Variants in FBN3 observed in about 807,000 individuals in gnomAD.
FBN3 encodes the protein fibrillin 3.
Under a neutral mutation model 330.1 loss-of-function variants are expected in FBN3, and 234 were observed. That is an observed-to-expected ratio of 0.71 (90% CI 0.64 to 0.79). FBN3 has a LOEUF of 0.79. Among genes scored for constraint, FBN3 ranks in the 30% least tolerant of loss-of-function variants. The probability of loss-of-function intolerance (pLI) is 0.00; values close to 1 mark genes in which losing one functional copy is unlikely to be tolerated. For missense variants in FBN3, 3,606 were observed against 3,886.9 expected (o/e 0.93, Z 1.92); for synonymous variants, 1,458 against 1,517.3 (o/e 0.96, Z 0.91).
At chr19:8,137,584 T>C (rs981118978) in intron 10 of FBN3, among the ~76,000 whole-genome samples, 2 of 151,496 alleles carry the variant, frequency 1.3e-5, no homozygotes. Flanking sequence ...AGGCCCAAAC[T>C]CCCCACCCAA....
rs767010079 is a variant in FBN3 at position 8,097,002 on chromosome 19, G to A, written c.5292C>T (p.Val1764=). ...GACTCTCCCTGCTGCCACACTCATC[G>A]ACATCTGGGAAAATACAGCAAATGA... The part of the protein sequence containing the change: ...YNSILLACED[V]DECGSRESPC... The change falls in exon 43 of 64, where the codon GTC becomes GTT. Residue 1764 remains valine, a synonymous_variant. Coordinates refer to ENST00000600128, the MANE Select transcript of FBN3 (RefSeq NM_032447.5). The A allele has an allele frequency of 9.9e-6, 16 of 1,612,538 alleles. No homozygotes were observed. The highest frequency in any genetic ancestry group is 8.9e-5 in the East Asian group (4 of 44,868).
chr19:8,138,239 G>T lies in FBN3; in HGVS notation c.1103C>A (p.Ser368Tyr). ...CCCAAGAGGGGGACCCATGCCATTG[G>T]ATCCGAAGCCCAGGAGGCCAGGGAA... ...GLFPGLLGFGSNGMGPPLGPA... is the reference protein window; with the variant it reads ...GLFPGLLGFGYNGMGPPLGPA... The change falls in exon 10 of 64, where the codon TCC (serine) becomes TAC (tyrosine). Residue 368 changes from serine (S) to tyrosine (Y), a missense_variant. Transcript: ENST00000600128. 6.2e-7 allele frequency: 1 copy of T among 1,612,024 alleles called. No individual in the cohort carries two copies. The highest frequency in any genetic ancestry group is 8.5e-7 in the Non-Finnish European group (1 of 1,179,446).
In FBN3 at chr19:8,126,825, G is replaced by A. The variant is rs768678289; in HGVS notation, c.2304C>T (p.Asp768=). 168 of 1,558,868 alleles carry A rather than the reference G, an allele frequency of 1.1e-4. 3 individuals are homozygous for A. In the South Asian group the frequency reaches 1.7e-3, roughly 16 times the overall value. The change falls in exon 19 of 64, where the codon GAC becomes GAT. Residue 768 remains aspartate (D), a synonymous_variant. Coordinates refer to ENST00000600128, the MANE Select transcript of FBN3 (RefSeq NM_032447.5). ...TCACACACGGGCTGGACAGGCATTC[G>A]TCGACATCTGTGGGGACAGCCCCCC... ...WQDTEICKDV[D]ECLSSPCVSG...
intron 21 of FBN3, 68 bp downstream of exon 21, chr19:8,126,229 A>T: frequency 1.3e-6 from 2 of 1,509,564 alleles, no homozygotes; most frequent in Non-Finnish European, 1.8e-6. Flanking sequence ...GGCACCCATG[A>T]GGGTGGTGCG....
chr19:8,110,012 G>A (rs577011214), intron 34 of FBN3, among the ~76,000 whole-genome samples: 2 of 152,228 alleles, frequency 1.3e-5, no homozygotes, highest in East Asian at 3.9e-4. Flanking sequence ...CCTGCCCTGG[G>A]TTCCATGCAG....
At chr19:8,110,730 AG>A in intron 34 of FBN3, 114 bp downstream of exon 34, 1 of 1,375,538 alleles carries the variant, frequency 7.3e-7, no homozygotes, top group South Asian at 1.3e-5. Context: ...CCCCCCAGCA[AG>A]ACTGCAGGGG....
At position 8,129,089 on chromosome 19, in the gene FBN3, G is replaced by A. The variant is rs750449644; in HGVS notation, c.2235C>T (p.Gly745=). ...CGGGGGGGCAGGAGCAGCTGTAGCT[G>A]CCAGGGCTATTCTGGCACCACCCGT... ...CDNGWCQNSP[G]SYSCSCPPGF... The change falls in exon 18 of 64, where the codon GGC becomes GGT. Residue 745 remains glycine (G), a synonymous_variant. Transcript: ENST00000600128. This position sits in a 1 kb window ranked among gnomAD's most constrained non-coding sequence, Gnocchi z 4.5. 7 of 1,613,264 alleles carry A rather than the reference G, an allele frequency of 4.3e-6. No homozygotes were observed. The Admixed American group carries it at 6.7e-5, about 15-fold the overall frequency.
rs1271622048 is a variant in FBN3, at chr19:8,131,439, C to G, written c.1990+115G>C. 2.0e-6 allele frequency: 3 copies of G among 1,479,862 alleles called. No individual in the cohort carries two copies. The Admixed American group carries it at 5.7e-5, about 28-fold the overall frequency. 91.7% of individuals were successfully genotyped at this position (1,479,862 alleles called of 1,614,324 possible). ...CGGGGAGGGAGCAACTCCCTTCAGC[C>G]TCTTTTTGGGAAGAGCCCCCACTCC... On this transcript the variant is annotated intron_variant, in intron 15 of 63. Transcript: ENST00000600128. This position sits in a 1 kb window ranked among gnomAD's most constrained non-coding sequence, Gnocchi z 4.5.
rs374081357 is a variant in FBN3, at chr19:8,085,316, C to G, written c.7087+47G>C. The G allele has an allele frequency of 2.7e-6, 4 of 1,505,760 alleles. No individual in the cohort carries two copies. In the South Asian group the frequency reaches 4.9e-5, roughly 18 times the overall value. 93.3% of individuals were successfully genotyped at this position (1,505,760 alleles called of 1,614,324 possible). ...ACAGACACATGACCCTGAGCAAACT[C>G]CCCCGTTTCTTGCCTCCCTGGGGGT... is the stretch of plus-strand genomic sequence containing the variant. On this transcript the variant is annotated intron_variant, in intron 56 of 63. Transcript: ENST00000600128.
intron 61 of FBN3, among the ~76,000 whole-genome samples, chr19:8,074,103 A>T (rs561462898): frequency 2.0e-5 from 3 of 152,302 alleles, no homozygotes; most frequent in African/African-American, 7.2e-5. Flanking sequence ...CTCAAGGCAG[A>T]AATGGTTTTT....
chr19:8,066,136 C>T lies in FBN3; in HGVS notation c.8213G>A (p.Arg2738His), dbSNP rs760693740. The change falls in exon 64 of 64, where the codon CGC (arginine) becomes CAC (histidine). Residue 2738 changes from arginine to histidine, a missense_variant. Coordinates refer to ENST00000600128, the MANE Select transcript of FBN3 (RefSeq NM_032447.5). ...PALEGLEGRIRYVIVRGNEQG... is the reference protein window; with the variant it reads ...PALEGLEGRIHYVIVRGNEQG... ...CTCGTTTCCGCGGACGATGACGTAGCGGATCCGGCCCTCTAGACCCTCCAG... is the reference window on the plus strand; with the variant it reads ...CTCGTTTCCGCGGACGATGACGTAGTGGATCCGGCCCTCTAGACCCTCCAG... 1.9e-5 allele frequency: 30 copies of T among 1,613,372 alleles called. No homozygotes were observed. The highest frequency in any genetic ancestry group is 1.8e-4 in the South Asian group (16 of 91,084).
Position 8,090,254 on chromosome 19 carries a change from G to A in FBN3, c.6032-3C>T, listed in dbSNP as rs144765408. 3.1e-6 allele frequency: 5 copies of A among 1,613,682 alleles called. No homozygotes were observed. The highest frequency in any genetic ancestry group is 4.2e-6 in the Non-Finnish European group (5 of 1,179,964). ...GAAGCAGAAACTCTGCCGTGTGTCT[G>A]TGGGGTGGGGGCTCCATTACCCTGA... On this transcript the variant is annotated splice_polypyrimidine_tract_variant and splice_region_variant and intron_variant, in intron 48 of 63. Transcript: ENST00000600128.
At chr19:8,071,955 G>C (rs73005512) in intron 63 of FBN3, 93 bp downstream of exon 63, 330,012 of 1,289,868 alleles carry the variant, frequency 0.26, 46,008 homozygotes, top group Middle Eastern at 0.33. Context: ...GCTCCTTCTT[G>C]GGGGGGCTGA....
At chr19:8,100,857 A>G (rs1284049379) in intron 41 of FBN3, 44 bp downstream of exon 41, 1 of 1,535,364 alleles carries the variant, frequency 6.5e-7, no homozygotes. Flanking sequence ...AAGCAGACCC[A>G]GGTGGATGGG....
At chr19:8,080,433 G>A (rs1599279214) in intron 59 of FBN3, among the ~76,000 whole-genome samples, 2 of 152,206 alleles carry the variant, frequency 1.3e-5, no homozygotes, top group Non-Finnish European at 2.9e-5. Context: ...GGGAGGCTCT[G>A]GGAGGGAGAT....
At chr19:8,082,887 A>G (rs1314436417) in intron 57 of FBN3, among the ~76,000 whole-genome samples, 1 of 87,630 alleles carries the variant, frequency 1.1e-5, no homozygotes, top group Non-Finnish European at 2.2e-5. Flanking sequence ...CAGTGGCACA[A>G]TCAGCTCACT....
chr19:8,101,997 C>T (rs1444289847), intron 40 of FBN3, among the ~76,000 whole-genome samples: 1 of 152,162 alleles, frequency 6.6e-6, no homozygotes, highest in Non-Finnish European at 1.5e-5. Flanking sequence ...TGGGAGGTAA[C>T]TGAGTCATGG....
intron 30 of FBN3, among the ~76,000 whole-genome samples, chr19:8,115,108 G>A (rs2082676922): frequency 6.6e-6 from 1 of 152,084 alleles, no homozygotes; most frequent in African/African-American, 2.4e-5. Flanking sequence ...GCCCGCCTCG[G>A]CCTCCCAAAG....
intron 45 of FBN3, 116 bp from the exon 46 acceptor site, chr19:8,095,619 C>T: frequency 9.0e-7 from 1 of 1,112,000 alleles, no homozygotes. Context: ...AACTTGAGCA[C>T]TCATGTATAG....
Sources: allele counts gnomAD v4.1 joint callset (sites outside exome capture counted in the v4.1 genomes callset), GRCh38; gene constraint gnomAD v4.1.1; non-coding constraint Gnocchi (gnomAD v3.1); transcripts MANE v1.5; gene names NCBI Gene and HGNC (gene_info 2026-07-23, HGNC 2026-07-21).